AP5M1: variants seen among roughly 807,000 people sequenced by gnomAD.
The protein encoded by AP5M1 is adaptor related protein complex 5 subunit mu 1.
AP5M1 carries 44 observed loss-of-function variants against 52.3 expected under a neutral mutation model. That is an observed-to-expected ratio of 0.84 (90% CI 0.66 to 1.08). AP5M1 has a LOEUF of 1.08. Ranked by LOEUF, AP5M1 falls within the 50% of genes least tolerant of loss-of-function variation. The probability of loss-of-function intolerance (pLI) is 0.00; values close to 1 mark genes in which losing one functional copy is unlikely to be tolerated. For synonymous variants in AP5M1, 213 were observed against 199.0 expected (o/e 1.07, Z -0.59); for missense variants, 526 against 568.4 (o/e 0.93, Z 0.76).
chr14:57,282,754 TTA>T lies in AP5M1; in HGVS notation c.1089-178_1089-177del, dbSNP rs561535199. ...AAATACACATCATCACCAAAAATGT[TTA>T]TGTGTGCTTGTTGTTTTTCAAGATT... On this transcript the variant is annotated intron_variant, in intron 4 of 7. Coordinates refer to ENST00000261558, the MANE Select transcript of AP5M1 (RefSeq NM_018229.4). 9.5e-4 allele frequency among the ~76,000 whole-genome samples: 145 copies of T among 152,328 alleles called. 1 individual carries two copies. Among genetic ancestry groups the T allele is most frequent in the African/African-American group, 3.3e-3 (138 of 41,576 alleles).
In AP5M1 at chr14:57,283,186, C is replaced by T. The variant is rs771889642; in HGVS notation, c.1249C>T (p.Gln417Ter). ...VTFGAKSHEK[Q>*]PFDPICTGET... is the part of the protein sequence containing the mutation. ...TTTTGGAGCCAAGAGCCATGAGAAG[C>T]AGCCATTTGACCCAATTTGTACTGG... Residue 417 changes from glutamine to a stop codon, truncating the protein, a stop_gained, in exon 6 of 8, where the codon CAG (glutamine) becomes TAG (stop). Transcript: ENST00000261558. LOFTEE classifies it high-confidence loss of function. 3.7e-6 allele frequency: 6 copies of T among 1,613,816 alleles called. No individual in the cohort carries two copies. Among genetic ancestry groups the T allele is most frequent in the Non-Finnish European group, 5.1e-6 (6 of 1,179,880 alleles).
intron 1 of AP5M1, among the ~76,000 whole-genome samples, chr14:57,273,020 C>T (rs1451988388): frequency 6.6e-6 from 1 of 151,916 alleles, no homozygotes; most frequent in Non-Finnish European, 1.5e-5. Flanking sequence ...CGGCTCATTG[C>T]AACCTCCACC....
intron 3 of AP5M1, 35 bp from the exon 4 acceptor site, chr14:57,282,054 C>G (rs375386627): frequency 5.0e-5 from 75 of 1,514,076 alleles, no homozygotes; most frequent in Non-Finnish European, 6.3e-5. Context: ...ACTCATTAAC[C>G]TGAGAATTAT....
rs1334487476 is a variant in AP5M1 at position 57,297,987 on chromosome 14, C to T, written c.*9103C>T. 1 of 152,172 alleles carries T rather than the reference C, an allele frequency of 6.6e-6. No homozygotes were observed. Among genetic ancestry groups the T allele is most frequent in the Non-Finnish European group, 1.5e-5 (1 of 68,042 alleles). The allele number at this position is 152,172 out of a possible 1,614,324, so 9.4% of individuals were successfully genotyped here. Reference sequence around the variant, plus strand: ...ATTTGTTGCCATTTATGACACTGATCTTCAGACACACTGTGTAGTGCCTTG... The same window carrying T: ...ATTTGTTGCCATTTATGACACTGATTTTCAGACACACTGTGTAGTGCCTTG... On this transcript the variant is annotated 3_prime_UTR_variant, in exon 8 of 8. Transcript: ENST00000261558.
intron 2 of AP5M1, 137 bp from the exon 3 acceptor site, chr14:57,280,055 TAAG>T (rs1372262087): frequency 1.6e-5 from 11 of 696,512 alleles, no homozygotes; most frequent in Admixed American, 2.4e-5. Context: ...AAACCATTAA[TAAG>T]AACACAGAAA....
intron 7 of AP5M1, 57 bp downstream of exon 7, chr14:57,286,376 T>C: frequency 9.2e-7 from 1 of 1,083,170 alleles, no homozygotes; most frequent in South Asian, 1.3e-5. Flanking sequence ...TTGCAGTTAT[T>C]ACCTAAGGTA....
chr14:57,274,663 A>C lies in AP5M1; in HGVS notation c.494A>C (p.Gln165Pro). ...KLSQLPDLLL[Q>P]ACPFGTLLDA... ...AGCCAGTTGCCTGACTTGCTTCTGC[A>C]GGCTTGTCCATTTGGTACTTTATTA... The change falls in exon 2 of 8, where the codon CAG (glutamine) becomes CCG (proline). Residue 165 changes from glutamine (Q) to proline (P), a missense_variant. By Grantham distance (76) the Gln-to-Pro change is moderately conservative. Around this residue, in one of 3 missense-constraint regions of AP5M1, gnomAD observed 425 missense variants for 430.6 expected, o/e 0.99. Transcript: ENST00000261558. The C allele has an allele frequency of 6.2e-7, 1 of 1,614,242 alleles. No individual in the cohort carries two copies. The highest frequency in any genetic ancestry group is 8.5e-7 in the Non-Finnish European group (1 of 1,180,040).
rs1014492210 is a variant in AP5M1 at position 57,291,278 on chromosome 14, A to T, written c.*2394A>T. ...ATTTGGATAGTGTCAGACCTTCTCT[A>T]GATGCAAAATTGCTAAATTCCCTTT... On this transcript the variant is annotated 3_prime_UTR_variant, in exon 8 of 8. Coordinates refer to ENST00000261558, the MANE Select transcript of AP5M1 (RefSeq NM_018229.4). 6.6e-6 allele frequency: 1 copy of T among 151,924 alleles called. No individual in the cohort carries two copies. The highest frequency in any genetic ancestry group is 1.5e-5 in the Non-Finnish European group (1 of 67,886). The allele number at this position is 151,924 out of a possible 1,614,324, so 9.4% of individuals were successfully genotyped here.
intron 2 of AP5M1, among the ~76,000 whole-genome samples, chr14:57,277,814 C>T (rs371345423): frequency 7.9e-5 from 12 of 151,524 alleles, no homozygotes; most frequent in East Asian, 3.9e-4. Context: ...TTGTTTTCTA[C>T]GCATAGAAAT....
chr14:57,282,665 C>G (rs1885211458), intron 4 of AP5M1, among the ~76,000 whole-genome samples: 1 of 152,144 alleles, frequency 6.6e-6, no homozygotes. Flanking sequence ...GTCATTGTAG[C>G]AACCCATGTG....
intron 1 of AP5M1, among the ~76,000 whole-genome samples, chr14:57,274,039 A>T (rs1884956976): frequency 6.6e-6 from 1 of 152,244 alleles, no homozygotes; most frequent in Non-Finnish European, 1.5e-5. Context: ...ATTATATACC[A>T]GATATGAAAC....
chr14:57,297,550 C>G lies in AP5M1; in HGVS notation c.*8666C>G, dbSNP rs998515615. On this transcript the variant is annotated 3_prime_UTR_variant, in exon 8 of 8. Transcript: ENST00000261558. ...TAGAACTTCTACCTTGGAAAACATTCTTAGCCTTGTTTATTTTGAATGTAT... is the reference window on the plus strand; with the variant it reads ...TAGAACTTCTACCTTGGAAAACATTGTTAGCCTTGTTTATTTTGAATGTAT... 6.6e-6 allele frequency: 1 copy of G among 152,012 alleles called. No individual in the cohort carries two copies. Among genetic ancestry groups the G allele is most frequent in the African/African-American group, 2.4e-5 (1 of 41,388 alleles). 9.4% of individuals were successfully genotyped at this position (152,012 alleles called of 1,614,324 possible).
At chr14:57,274,172 T>G (rs1884960130) in intron 1 of AP5M1, 72 bp from the exon 2 acceptor site, 1 of 1,480,866 alleles carries the variant, frequency 6.8e-7, no homozygotes, top group Non-Finnish European at 9.0e-7. Flanking sequence ...TATTTGAGAG[T>G]TTTAAAAAAA....
At position 57,288,870 on chromosome 14, in the gene AP5M1, T is replaced by A. The variant is rs1035574674; in HGVS notation, c.1459T>A (p.Ser487Thr). The change falls in exon 8 of 8, where the codon TCA becomes ACA. Residue 487 changes from serine (S) to threonine (T), a missense_variant. Physicochemically the swap from Ser to Thr is moderately conservative, Grantham distance 58. Transcript: ENST00000261558. ...AGCCCCTGCTCCAGTAACATATGGA[T>A]CATTATTATTGTAATAGTCTCATGT... Reference protein sequence around the residue: ...SKAPAPVTYGSLLL With the variant: ...SKAPAPVTYGTLLL The A allele has an allele frequency of 5.8e-6, 9 of 1,543,294 alleles. No homozygotes were observed. Among genetic ancestry groups the A allele is most frequent in the African/African-American group, 5.5e-5 (4 of 73,122 alleles).
intron 6 of AP5M1, among the ~76,000 whole-genome samples, chr14:57,285,589 C>T (rs1322180315): frequency 1.3e-5 from 2 of 152,090 alleles, no homozygotes; most frequent in African/African-American, 4.8e-5. Context: ...CATTCTAAAT[C>T]ACATCTTATG....
chr14:57,294,357 T>G lies in AP5M1; in HGVS notation c.*5473T>G, dbSNP rs1438398720. 6.6e-6 allele frequency: 1 copy of G among 151,924 alleles called. No homozygotes were observed. Among genetic ancestry groups the G allele is most frequent in the East Asian group, 1.9e-4 (1 of 5,190 alleles). 9.4% of individuals were successfully genotyped at this position (151,924 alleles called of 1,614,324 possible). ...TAAATGATATTTTATGTTTATAAAT[T>G]TTGTTATGAAAAATTTAAAAATTAG... On this transcript the variant is annotated 3_prime_UTR_variant, in exon 8 of 8. Coordinates refer to ENST00000261558, the MANE Select transcript of AP5M1 (RefSeq NM_018229.4).
intron 7 of AP5M1, among the ~76,000 whole-genome samples, chr14:57,287,700 G>A (rs1332323174): frequency 6.6e-6 from 1 of 151,972 alleles, no homozygotes; most frequent in East Asian, 1.9e-4. Context: ...GCCAGTTTGT[G>A]CAATTATGTA....
chr14:57,288,718 C>T, intron 7 of AP5M1, 84 bp from the exon 8 acceptor site: 1 of 800,286 alleles, frequency 1.2e-6, no homozygotes, highest in South Asian at 1.5e-5. Context: ...TAACTGCATT[C>T]CACAATTTCA....
In AP5M1 at chr14:57,283,342, T is replaced by C. The variant is rs548600708; in HGVS notation, c.1293+112T>C. 97 of 705,292 alleles carry C rather than the reference T, an allele frequency of 1.4e-4. 1 individual carries two copies. In the African/African-American group the frequency reaches 1.5e-3, roughly 11 times the overall value. 43.7% of individuals were successfully genotyped at this position (705,292 alleles called of 1,614,324 possible). Reference sequence around the variant, plus strand: ...CCAATTGTTTTAGAATTCTGTTCTTTTAGTCTGGGATAAGTTCTCTTTTGG... The same window carrying C: ...CCAATTGTTTTAGAATTCTGTTCTTCTAGTCTGGGATAAGTTCTCTTTTGG... On this transcript the variant is annotated intron_variant, in intron 6 of 7. Transcript: ENST00000261558.
Sources: gnomAD v4.1 joint callset for allele counts (sites outside exome capture counted in the v4.1 genomes callset) on GRCh38, gnomAD v4.1.1 for gene constraint, gnomAD v4.1.1 regional missense constraint, MANE v1.5 for transcripts, NCBI Gene and HGNC (gene_info 2026-07-23, HGNC 2026-07-21) for gene names.